EXTL3: variants seen among roughly 807,000 people sequenced by gnomAD.
EXTL3 encodes the protein exostosin like glycosyltransferase 3.
In EXTL3, 27 loss-of-function variants were observed where a neutral mutation model predicts 69.3. The ratio of observed to expected loss-of-function variants is 0.39; its 90% CI spans 0.29 to 0.54. EXTL3 has a LOEUF of 0.54. Ranked by LOEUF, EXTL3 falls within the 20% of genes least tolerant of loss-of-function variation. The probability of loss-of-function intolerance (pLI) is 0.69; values close to 1 mark genes in which losing one functional copy is unlikely to be tolerated. For missense variants in EXTL3, 1,003 were observed against 1,231.8 expected (o/e 0.81, Z 2.78); for synonymous variants, 511 against 499.4 (o/e 1.02, Z -0.31).
chr8:28,616,845 G>T (rs781688974), intron 2 of EXTL3, among the ~76,000 whole-genome samples: 3 of 152,208 alleles, frequency 2.0e-5, no homozygotes, highest in South Asian at 2.1e-4. Context: ...GCCTTGGAAC[G>T]CATTGCCTCG....
chr8:28,639,082 C>T (rs532450979), intron 1 of EXTL3, among the ~76,000 whole-genome samples: 3 of 151,988 alleles, frequency 2.0e-5, no homozygotes, highest in Non-Finnish European at 4.4e-5. Context: ...GGACTACAGG[C>T]GCCCACCACC....
intron 1 of EXTL3, among the ~76,000 whole-genome samples, chr8:28,690,930 C>T (rs1800605080): frequency 1.3e-5 from 2 of 151,984 alleles, no homozygotes; most frequent in Admixed American, 6.6e-5. Context: ...TCATTGGGGG[C>T]CCTTTCAGAG....
intron 4 of EXTL3, among the ~76,000 whole-genome samples, chr8:28,732,341 A>G (rs547408523): frequency 1.6e-4 from 24 of 152,340 alleles, no homozygotes; most frequent in African/African-American, 4.1e-4. Flanking sequence ...GACATTTACT[A>G]TGAAATCCAA....
At chr8:28,617,872 C>T (rs1806348566), upstream of EXTL3, among the ~76,000 whole-genome samples, 1 of 152,114 alleles carries the variant, frequency 6.6e-6, no homozygotes, top group Non-Finnish European at 1.5e-5. Context: ...AAATACTATA[C>T]TGAAAGAAGC....
intron 1 of EXTL3, among the ~76,000 whole-genome samples, chr8:28,680,411 T>C (rs1807467219): frequency 6.7e-6 from 1 of 149,612 alleles, no homozygotes; most frequent in Non-Finnish European, 1.5e-5. Flanking sequence ...AAAAACAGCA[T>C]ACTATTTATT....
intron 1 of EXTL3, among the ~76,000 whole-genome samples, chr8:28,690,362 G>A (rs895609019): frequency 2.6e-5 from 4 of 151,954 alleles, no homozygotes; most frequent in African/African-American, 9.7e-5. Context: ...ATAAGCACAT[G>A]GCACCACACC....
intron 3 of EXTL3, among the ~76,000 whole-genome samples, chr8:28,719,691 TC>T (rs1801254738): frequency 6.6e-6 from 1 of 152,198 alleles, no homozygotes; most frequent in Non-Finnish European, 1.5e-5. Context: ...TCACTTTTTT[TC>T]TTTCTGTTAC....
chr8:28,719,244 C>G (rs1233288782), intron 3 of EXTL3, among the ~76,000 whole-genome samples: 1 of 152,174 alleles, frequency 6.6e-6, no homozygotes, highest in African/African-American at 2.4e-5. Context: ...ATTAAGTAGT[C>G]ATTTCGTGAT....
chr8:28,702,346 C>T (rs544460706), intron 1 of EXTL3, among the ~76,000 whole-genome samples: 10 of 152,306 alleles, frequency 6.6e-5, no homozygotes, highest in African/African-American at 2.4e-4. Flanking sequence ...CTGGACCGGA[C>T]AGGGGTGCGC....
intron 4 of EXTL3, among the ~76,000 whole-genome samples, chr8:28,734,538 C>T (rs1585289796): frequency 3.3e-5 from 5 of 152,228 alleles, no homozygotes; most frequent in Admixed American, 3.3e-4. Context: ...ATGGTGAAAC[C>T]CTGCCTTTAC....
chr8:28,607,978 T>TG (rs1413360862), intron 2 of EXTL3, among the ~76,000 whole-genome samples: 19 of 151,488 alleles, frequency 1.3e-4, no homozygotes, highest in Non-Finnish European at 2.5e-4. Flanking sequence ...GGCGTGGTGG[T>TG]GGGCGCCTGT....
At position 28,754,963 on chromosome 8, in the gene EXTL3, C is replaced by G. The variant is rs1040896357; in HGVS notation, c.*4097C>G. On this transcript the variant is annotated 3_prime_UTR_variant, in exon 7 of 7. Transcript: ENST00000220562. ...AAAGGAGAATGTAGTGGGTAAAGGT[C>G]TGGGCCCTGGAACAGACTGGGTGCA... 1 of 152,250 alleles carries G rather than the reference C, an allele frequency of 6.6e-6. No homozygotes were observed. The highest frequency in any genetic ancestry group is 2.4e-5 in the African/African-American group (1 of 41,452). 9.4% of individuals were successfully genotyped at this position (152,250 alleles called of 1,614,324 possible). A position where few individuals can be genotyped will look rare whatever the true frequency, so the allele number is the denominator to read the frequency against.
At chr8:28,662,870 G>A (rs114628526) in intron 1 of EXTL3, among the ~76,000 whole-genome samples, 4,124 of 152,178 alleles carry the variant, frequency 0.027, 155 homozygotes, top group African/African-American at 0.077. Flanking sequence ...AGCTGCGATT[G>A]CACCATTGCC....
At chr8:28,680,067 G>A (rs1333552204) in intron 1 of EXTL3, among the ~76,000 whole-genome samples, 9 of 149,368 alleles carry the variant, frequency 6.0e-5, no homozygotes, top group Non-Finnish European at 1.2e-4. Context: ...TTTTTTTCCG[G>A]TGTAAGACAA....
chr8:28,717,211 G>C lies in EXTL3; in HGVS notation c.1152G>C (p.Lys384Asn). The C allele has an allele frequency of 6.2e-7, 1 of 1,614,238 alleles. No homozygotes were observed. The highest frequency in any genetic ancestry group is 1.7e-5 in the Admixed American group (1 of 60,030). Reference sequence around the variant, plus strand: ...ATGACCGGATCATTGCCACCCTGAAGGCGGTGCAGGACAGCAAGCTGGATC... The same window carrying C: ...ATGACCGGATCATTGCCACCCTGAACGCGGTGCAGGACAGCAAGCTGGATC... ...DYDDRIIATLKAVQDSKLDQV... is the reference protein window; with the variant it reads ...DYDDRIIATLNAVQDSKLDQV... The change falls in exon 3 of 7, where the codon AAG becomes AAC. Residue 384 changes from lysine (K) to asparagine (N), a missense_variant. By Grantham distance (94) the Lys-to-Asn change is moderately conservative. Around this residue, in one of 2 missense-constraint regions of EXTL3, gnomAD observed 742 missense variants for 815.4 expected, o/e 0.91. Coordinates refer to ENST00000220562, the MANE Select transcript of EXTL3 (RefSeq NM_001440.4). This position sits in a 1 kb window ranked among gnomAD's most constrained non-coding sequence, Gnocchi z 8.3.
intron 1 of EXTL3, among the ~76,000 whole-genome samples, chr8:28,657,247 T>C (rs1405181507): frequency 6.6e-6 from 1 of 152,196 alleles, no homozygotes; most frequent in Admixed American, 6.5e-5. Context: ...CCAGTCTCAT[T>C]ATGGACTTTA....
chr8:28,677,722 C>T (rs2130653808), intron 1 of EXTL3, among the ~76,000 whole-genome samples: 1 of 152,210 alleles, frequency 6.6e-6, no homozygotes, highest in East Asian at 1.9e-4. Flanking sequence ...TCAAAAATCA[C>T]TTTGTTCTGT....
At position 28,691,070 on chromosome 8, in the gene EXTL3, G is replaced by T. The variant is rs535356038; in HGVS notation, c.-52-22387G>T. Among the ~76,000 whole-genome samples the T allele has an allele frequency of 3.3e-5, 5 of 152,238 alleles. No homozygotes were observed. In the South Asian group the frequency reaches 8.3e-4, roughly 25 times the overall value. ...GGTATTATAGTTACCAGACTTTTAG[G>T]TTTAATAGACCAGTAAAATAAAAAA... On this transcript the variant is annotated intron_variant, in intron 1 of 6. Transcript: ENST00000523149.
At chr8:28,711,383 T>C (rs58049584) in intron 1 of EXTL3, among the ~76,000 whole-genome samples, 4,511 of 152,292 alleles carry the variant, frequency 0.03, 226 homozygotes, top group African/African-American at 0.1. Flanking sequence ...CATAGGTTAT[T>C]GATTCGAGAC....
Sources: allele counts gnomAD v4.1 joint callset (sites outside exome capture counted in the v4.1 genomes callset), GRCh38; gene constraint gnomAD v4.1.1; regional missense constraint gnomAD v4.1.1; non-coding constraint Gnocchi (gnomAD v3.1); transcripts MANE v1.5; gene names NCBI Gene and HGNC (gene_info 2026-07-23, HGNC 2026-07-21).